Variants in ZSCAN5A observed in about 807,000 individuals in gnomAD.
ZSCAN5A encodes the protein zinc finger and SCAN domain containing 5A.
In ZSCAN5A, 12 loss-of-function variants were observed where a neutral mutation model predicts 23.7. That is an observed-to-expected ratio of 0.51 (90% CI 0.32 to 0.82). The LOEUF (loss-of-function observed/expected upper bound fraction) is 0.82, where lower values mean the gene tolerates loss of function less well. Ranked by LOEUF, ZSCAN5A falls within the 40% of genes least tolerant of loss-of-function variation. ZSCAN5A has a pLI of 0.03. For synonymous variants in ZSCAN5A, 257 were observed against 239.9 expected, an observed-to-expected ratio of 1.07 and a Z score of -0.66; for missense variants, 597 against 617.9, an observed-to-expected ratio of 0.97 and a Z score of 0.36.
At chr19:56,273,905 T>A (rs750715147) in intron 2 of ZSCAN5A, among the ~76,000 whole-genome samples, 2 of 152,150 alleles carry the variant, frequency 1.3e-5, no homozygotes, top group Admixed American at 1.3e-4. Flanking sequence ...TTAAACAATG[T>A]GTCTTGCCCT....
intron 2 of ZSCAN5A, among the ~76,000 whole-genome samples, chr19:56,288,323 C>G (rs1032761054): frequency 6.6e-6 from 1 of 152,176 alleles, no homozygotes; most frequent in South Asian, 2.1e-4. Context: ...CCTCTGTCTG[C>G]GACACTTTCC....
chr19:56,365,625 T>C (rs2041759336), intron 1 of ZSCAN5A: 1 of 152,206 alleles, frequency 6.6e-6, no homozygotes, highest in Non-Finnish European at 1.5e-5. Context: ...AAATCAGCAA[T>C]TCTTCTTAGA....
At chr19:56,281,275 A>G (rs1019018254) in intron 2 of ZSCAN5A, among the ~76,000 whole-genome samples, 2 of 152,186 alleles carry the variant, frequency 1.3e-5, no homozygotes, top group African/African-American at 4.8e-5. Flanking sequence ...CAGGGGTGGC[A>G]GAGGCAGAAG....
chr19:56,362,374 T>C (rs1056723984), intron 2 of ZSCAN5A, among the ~76,000 whole-genome samples: 5 of 151,372 alleles, frequency 3.3e-5, no homozygotes, highest in African/African-American at 1.2e-4. Flanking sequence ...TGAGACCATC[T>C]TGGCCAACGT....
chr19:56,318,062 A>G (rs1448982281), upstream of ZSCAN5A: 1 of 152,186 alleles, frequency 6.6e-6, no homozygotes, highest in Non-Finnish European at 1.5e-5. Context: ...GTTTGGTAAG[A>G]TTCCATTGCC....
At chr19:56,349,271 T>C (rs2041652547) in intron 2 of ZSCAN5A, among the ~76,000 whole-genome samples, 1 of 152,134 alleles carries the variant, frequency 6.6e-6, no homozygotes. Flanking sequence ...ACTGTTGTTC[T>C]CTCAACCCCC....
chr19:56,279,250 G>C (rs2038495026), intron 2 of ZSCAN5A, among the ~76,000 whole-genome samples: 1 of 151,932 alleles, frequency 6.6e-6, no homozygotes, highest in Non-Finnish European at 1.5e-5. Context: ...GAGAATTTCT[G>C]CTCCAAGTCA....
chr19:56,324,962 G>A (rs2147428582), intron 2 of ZSCAN5A, among the ~76,000 whole-genome samples: 2 of 152,260 alleles, frequency 1.3e-5, no homozygotes, highest in East Asian at 3.9e-4. Context: ...CCTTGTGACT[G>A]GGCCTCATGT....
At chr19:56,301,650 C>T (rs971602380) in intron 2 of ZSCAN5A, among the ~76,000 whole-genome samples, 4 of 152,164 alleles carry the variant, frequency 2.6e-5, no homozygotes, top group Non-Finnish European at 5.9e-5. Flanking sequence ...TACCCAGCCC[C>T]TATTCAAGAC....
intron 2 of ZSCAN5A, among the ~76,000 whole-genome samples, chr19:56,358,964 A>T (rs1300816848): frequency 6.6e-6 from 1 of 152,222 alleles, no homozygotes; most frequent in Non-Finnish European, 1.5e-5. Context: ...TAGATCCAAC[A>T]AAAAGCTAGA....
intron 2 of ZSCAN5A, among the ~76,000 whole-genome samples, chr19:56,246,122 C>A (rs1032682404): frequency 6.6e-6 from 1 of 152,022 alleles, no homozygotes; most frequent in Non-Finnish European, 1.5e-5. Context: ...ATGGAGGGTG[C>A]AGATTAGGGA....
chr19:56,255,546 G>A (rs1466125859), intron 2 of ZSCAN5A, among the ~76,000 whole-genome samples: 3 of 152,020 alleles, frequency 2.0e-5, no homozygotes, highest in Middle Eastern at 6.8e-3. Flanking sequence ...TCCCTCTAAC[G>A]GGTCCACGTT....
Position 56,268,009 on chromosome 19 carries a change from C to T in ZSCAN5A, c.-127-42836G>A, listed in dbSNP as rs188220439. On this transcript the variant is annotated intron_variant, in intron 2 of 5. Coordinates refer to ENST00000683990, the MANE Select transcript of ZSCAN5A (RefSeq NM_001322064.3). ...TATGATTTCAGAGCCTGGCTAAATC[C>T]GATGACACTTTTCAGGTCCCTTCTG... Among the ~76,000 whole-genome samples the T allele has an allele frequency of 7.7e-3, 1,177 of 152,246 alleles. 48 individuals carry two copies. The highest frequency in any genetic ancestry group is 0.069 in the Admixed American group (1,054 of 15,282).
intron 2 of ZSCAN5A, among the ~76,000 whole-genome samples, chr19:56,230,319 C>T (rs1312303939): frequency 3.9e-5 from 6 of 152,058 alleles, no homozygotes; most frequent in Non-Finnish European, 2.9e-5. Flanking sequence ...CTCCTGACCT[C>T]GTGATCCACC....
chr19:56,344,259 C>G (rs972495817), intron 2 of ZSCAN5A, among the ~76,000 whole-genome samples: 1 of 152,218 alleles, frequency 6.6e-6, no homozygotes, highest in Admixed American at 6.5e-5. Context: ...TGCCTGTGGA[C>G]TAGACCACCT....
chr19:56,269,077 G>A (rs1196280257), intron 2 of ZSCAN5A, among the ~76,000 whole-genome samples: 2 of 152,082 alleles, frequency 1.3e-5, no homozygotes, highest in Non-Finnish European at 2.9e-5. Context: ...GAATAGTGTC[G>A]CTGTGAACAT....
At chr19:56,260,214 CTTTT>C (rs398041088) in intron 2 of ZSCAN5A, among the ~76,000 whole-genome samples, 15 of 127,866 alleles carry the variant, frequency 1.2e-4, no homozygotes, top group Non-Finnish European at 2.1e-4. Context: ...TATTTTTTTA[CTTTT>C]TTTTTTTTTT....
At position 56,225,121 on chromosome 19, in the gene ZSCAN5A, C is replaced by T. The variant is rs1340276887; in HGVS notation, c.-75G>A. 1.3e-6 allele frequency: 2 copies of T among 1,506,968 alleles called. No homozygotes were observed. The highest frequency in any genetic ancestry group is 2.8e-5 in the African/African-American group (2 of 71,770). The allele number at this position is 1,506,968 out of a possible 1,614,324, so 93.3% of individuals were successfully genotyped here. A position where few individuals can be genotyped will look rare whatever the true frequency, so the allele number is the denominator to read the frequency against. On this transcript the variant is annotated 5_prime_UTR_variant, in exon 3 of 6. Coordinates refer to ENST00000683990, the MANE Select transcript of ZSCAN5A (RefSeq NM_001322064.3). ...CTGGTATCTAATTGATACCTATCTA[C>T]ACAGGCTTCCTCTGGTTTTCCTCAG...
intron 2 of ZSCAN5A, among the ~76,000 whole-genome samples, chr19:56,254,657 G>T (rs1465122300): frequency 6.6e-6 from 1 of 151,916 alleles, no homozygotes; most frequent in Non-Finnish European, 1.5e-5. Context: ...ATTTTTGGGG[G>T]GGGCTGCCAT....
Sources: gnomAD v4.1 joint callset for allele counts (sites outside exome capture counted in the v4.1 genomes callset) on GRCh38, gnomAD v4.1.1 for gene constraint, MANE v1.5 for transcripts, NCBI Gene and HGNC (gene_info 2026-07-23, HGNC 2026-07-21) for gene names.